The following XKR9 variants were observed in gnomAD, a reference collection of about 807,000 sequenced individuals.
XKR9 encodes the protein XK-related protein 9.
In XKR9, 32 loss-of-function variants were observed where a neutral mutation model predicts 32.0. The observed-to-expected ratio is 1.00, with a 90% CI of 0.76 to 1.34. The LOEUF is 1.34. XKR9 is among the 40% of genes most tolerant of loss of function. The pLI is 0.00. For synonymous variants in XKR9, 168 were observed against 143.4 expected (o/e 1.17, Z -1.22); for missense variants, 546 against 429.7 (o/e 1.27, Z -2.39).
the XKR9 span, among the ~76,000 whole-genome samples, chr8:70,797,191 A>C: frequency 6.6e-6 from 1 of 152,106 alleles, no homozygotes; most frequent in Non-Finnish European, 1.5e-5. Context: ...ATGAGGTAAC[A>C]GTCAGAGTGA....
At position 70,735,771 on chromosome 8, in the gene XKR9, T is replaced by C. The variant is rs1011895980; in HGVS notation, c.*1347T>C. The C allele has an allele frequency of 4.6e-5, 7 of 151,922 alleles. No homozygotes were observed. The highest frequency in any genetic ancestry group is 3.9e-4 in the Admixed American group (6 of 15,240). 9.4% of individuals were successfully genotyped at this position (151,922 alleles called of 1,614,324 possible). ...GAATGATGATTTCCAGCTTCATCCATGTCCCTACAAAGGACATGAACTCAT... is the reference window on the plus strand; with the variant it reads ...GAATGATGATTTCCAGCTTCATCCACGTCCCTACAAAGGACATGAACTCAT... On this transcript the variant is annotated 3_prime_UTR_variant, in exon 5 of 5. Coordinates refer to ENST00000408926, the MANE Select transcript of XKR9 (RefSeq NM_001011720.2).
chr8:70,809,440 C>A, the XKR9 span, among the ~76,000 whole-genome samples: 2 of 152,112 alleles, frequency 1.3e-5, no homozygotes, highest in African/African-American at 2.4e-5. Flanking sequence ...CAAAGCTGGA[C>A]GGAGAATGAC....
intron 3 of XKR9, among the ~76,000 whole-genome samples, chr8:70,706,044 T>A (rs929594268): frequency 6.6e-6 from 1 of 152,174 alleles, no homozygotes; most frequent in Non-Finnish European, 1.5e-5. Context: ...GTGAATGTTA[T>A]TACCATTTAC....
At chr8:71,060,403 G>A in the XKR9 span, among the ~76,000 whole-genome samples, 2 of 152,146 alleles carry the variant, frequency 1.3e-5, no homozygotes, top group African/African-American at 2.4e-5. Context: ...CTCCAGGTGC[G>A]GGTGTCCTCA....
chr8:70,993,651 TTCCTTCCTTCCTTCCTTCC>T, the XKR9 span, among the ~76,000 whole-genome samples: 1 of 124,284 alleles, frequency 8.0e-6, no homozygotes, highest in Admixed American at 8.1e-5. Context: ...CCTTCCTTCC[TTCCTTCCTTCCTTCCTTCC>T]TCCCATCCTT....
At chr8:70,780,571 A>G (rs2130251115) in intron 2 of XKR9, among the ~76,000 whole-genome samples, 1 of 152,212 alleles carries the variant, frequency 6.6e-6, no homozygotes, top group South Asian at 2.1e-4. Flanking sequence ...ATTTCCAAAA[A>G]CCCCTAGAAG....
chr8:70,936,888 GT>G, the XKR9 span, among the ~76,000 whole-genome samples: 2 of 151,872 alleles, frequency 1.3e-5, no homozygotes, highest in Admixed American at 6.6e-5. Context: ...GATATGTTAT[GT>G]TTTTTTCTTT....
the XKR9 span, among the ~76,000 whole-genome samples, chr8:70,947,586 A>G: frequency 3.3e-5 from 5 of 152,226 alleles, no homozygotes; most frequent in Middle Eastern, 3.2e-3. Context: ...AAAATATCCA[A>G]TTGATGTTAA....
intron 2 of XKR9, among the ~76,000 whole-genome samples, chr8:70,756,293 A>G (rs6991708): frequency 0.53 from 81,059 of 151,988 alleles, 22,611 homozygotes; most frequent in Middle Eastern, 0.62. Context: ...TTGAAATTGG[A>G]AAATGTGATT....
the XKR9 span, among the ~76,000 whole-genome samples, chr8:70,866,167 A>T: frequency 2.0e-5 from 3 of 152,206 alleles, no homozygotes; most frequent in African/African-American, 7.2e-5. Flanking sequence ...TCACAACATG[A>T]TCATCTCCAT....
chr8:70,989,676 T>G, the XKR9 span, among the ~76,000 whole-genome samples: 2 of 152,152 alleles, frequency 1.3e-5, no homozygotes, highest in African/African-American at 4.8e-5. Context: ...TTTATTGTGG[T>G]AAAAATATAT....
chr8:70,785,170 T>A (rs1807666939), intron 2 of XKR9, among the ~76,000 whole-genome samples: 1 of 152,052 alleles, frequency 6.6e-6, no homozygotes, highest in Non-Finnish European at 1.5e-5. Flanking sequence ...TTTTTATTAC[T>A]GATTGTATCT....
intron 3 of XKR9, among the ~76,000 whole-genome samples, chr8:70,702,971 C>A (rs1176832144): frequency 6.6e-6 from 1 of 152,090 alleles, no homozygotes; most frequent in Non-Finnish European, 1.5e-5. Flanking sequence ...CTCATTGTTT[C>A]CCTGTGAGGA....
the XKR9 span, among the ~76,000 whole-genome samples, chr8:71,046,936 G>T: frequency 1.3e-5 from 2 of 152,154 alleles, no homozygotes; most frequent in African/African-American, 4.8e-5. Context: ...ATGACATTTT[G>T]GTCCTGAGAA....
the XKR9 span, among the ~76,000 whole-genome samples, chr8:70,819,325 A>T: frequency 6.6e-6 from 1 of 152,232 alleles, no homozygotes; most frequent in Non-Finnish European, 1.5e-5. Flanking sequence ...GAAAGAAAAG[A>T]TTTAGTGATA....
the XKR9 span, among the ~76,000 whole-genome samples, chr8:70,959,944 A>C: frequency 6.6e-6 from 1 of 152,348 alleles, no homozygotes; most frequent in East Asian, 1.9e-4. Flanking sequence ...GGATTAAAAA[A>C]GTTGGCCGGG....
chr8:70,746,331 A>G (rs1483958335), intron 2 of XKR9, among the ~76,000 whole-genome samples: 1 of 148,444 alleles, frequency 6.7e-6, no homozygotes, highest in African/African-American at 2.4e-5. Flanking sequence ...GCTTATTGAA[A>G]CAGAATAAAG....
chr8:70,967,575 G>A, the XKR9 span, among the ~76,000 whole-genome samples: 1 of 152,228 alleles, frequency 6.6e-6, no homozygotes, highest in South Asian at 2.1e-4. Context: ...GCTGGTACCA[G>A]TTTTTCCTTT....
chr8:70,902,580 A>G, the XKR9 span, among the ~76,000 whole-genome samples: 7 of 152,290 alleles, frequency 4.6e-5, no homozygotes, highest in Admixed American at 3.9e-4. Flanking sequence ...TTGTAAATAT[A>G]CAATCATGTC....
Sources: gnomAD v4.1 joint callset for allele counts (sites outside exome capture counted in the v4.1 genomes callset) on GRCh38, gnomAD v4.1.1 for gene constraint, MANE v1.5 for transcripts, NCBI Gene and HGNC (gene_info 2026-07-23, HGNC 2026-07-21) for gene names.